The following RIMS1 variants were observed in gnomAD, a reference collection of about 807,000 sequenced individuals.
RIMS1 encodes the protein regulating synaptic membrane exocytosis protein 1.
RIMS1 carries 83 observed loss-of-function variants against 214.1 expected under a neutral mutation model. The ratio of observed to expected loss-of-function variants is 0.39; its 90% CI spans 0.32 to 0.47. The LOEUF is 0.47. Among genes scored for constraint, RIMS1 ranks in the 20% least tolerant of loss-of-function variants. The probability of loss-of-function intolerance (pLI) is 0.99; values close to 1 mark genes in which losing one functional copy is unlikely to be tolerated. For missense variants in RIMS1, 2,050 were observed against 2,161.8 expected (o/e 0.95, Z 1.03); for synonymous variants, 793 against 786.8 (o/e 1.01, Z -0.13).
At chr6:72,105,938 A>T (rs2034650654) in intron 4 of RIMS1, among the ~76,000 whole-genome samples, 2 of 152,142 alleles carry the variant, frequency 1.3e-5, no homozygotes, top group African/African-American at 4.8e-5. Flanking sequence ...GATATTTTTT[A>T]AATTTTGGAA....
At chr6:72,020,122 A>G (rs1814151406) in intron 2 of RIMS1, among the ~76,000 whole-genome samples, 1 of 152,202 alleles carries the variant, frequency 6.6e-6, no homozygotes, top group Non-Finnish European at 1.5e-5. Context: ...CTTATTTGGA[A>G]TAACATATCA....
At chr6:72,145,134 A>C (rs1588010070) in intron 4 of RIMS1, among the ~76,000 whole-genome samples, 1 of 152,180 alleles carries the variant, frequency 6.6e-6, no homozygotes, top group East Asian at 1.9e-4. Context: ...TGCAGCAAAA[A>C]TAATTATGTT....
At chr6:72,290,607 G>C in intron 24 of RIMS1, 72 bp from the exon 25 acceptor site, 1 of 1,362,238 alleles carries the variant, frequency 7.3e-7, no homozygotes. Context: ...GGTTTTCCTT[G>C]GACAAATGTG....
chr6:72,298,134 G>A (rs953814928), intron 26 of RIMS1, among the ~76,000 whole-genome samples: 6 of 151,940 alleles, frequency 3.9e-5, no homozygotes, highest in African/African-American at 9.7e-5. Flanking sequence ...CTAAGCAAAC[G>A]AGGATGGTTG....
chr6:72,335,919 G>T (rs1594110385), intron 29 of RIMS1, among the ~76,000 whole-genome samples: 1 of 151,784 alleles, frequency 6.6e-6, no homozygotes, highest in Non-Finnish European at 1.5e-5. Context: ...TTATGATGGG[G>T]TTGTTCTTCT....
chr6:72,352,606 C>T (rs891967383), intron 29 of RIMS1, among the ~76,000 whole-genome samples: 1 of 152,190 alleles, frequency 6.6e-6, no homozygotes, highest in African/African-American at 2.4e-5. Flanking sequence ...GGCAGATGCT[C>T]ATGGCAGGCA....
chr6:72,265,077 AC>A, intron 20 of RIMS1, 25 bp downstream of exon 20: 2 of 1,369,334 alleles, frequency 1.5e-6, no homozygotes, highest in Non-Finnish European at 2.0e-6. Context: ...AGTGAGTCCC[AC>A]CCAGTTATAA....
intron 1 of RIMS1, among the ~76,000 whole-genome samples, chr6:71,896,258 G>A (rs1771736654): frequency 6.6e-6 from 1 of 152,122 alleles, no homozygotes; most frequent in Non-Finnish European, 1.5e-5. Flanking sequence ...CTTATATTGA[G>A]AATGGATATT....
chr6:72,006,342 T>C (rs1807618032), intron 2 of RIMS1, among the ~76,000 whole-genome samples: 1 of 152,188 alleles, frequency 6.6e-6, no homozygotes, highest in African/African-American at 2.4e-5. Context: ...AGTTGAGACT[T>C]GGAGGGCGGT....
At chr6:71,960,989 A>G (rs561278499) in intron 1 of RIMS1, among the ~76,000 whole-genome samples, 2 of 152,274 alleles carry the variant, frequency 1.3e-5, no homozygotes, top group Non-Finnish European at 2.9e-5. Context: ...TAGTGAAAAC[A>G]TAACTATTAG....
intron 4 of RIMS1, among the ~76,000 whole-genome samples, chr6:72,166,826 A>G (rs1394524504): frequency 6.6e-6 from 1 of 152,082 alleles, no homozygotes; most frequent in African/African-American, 2.4e-5. Flanking sequence ...ATTAGTCTCA[A>G]TAGTGTTTTG....
At chr6:71,917,789 G>T (rs1582579656) in intron 1 of RIMS1, among the ~76,000 whole-genome samples, 2 of 152,274 alleles carry the variant, frequency 1.3e-5, no homozygotes, top group East Asian at 3.9e-4. Flanking sequence ...ATGGGCTGGT[G>T]TTTGAGCGAT....
At chr6:71,961,131 G>A (rs941313630) in intron 1 of RIMS1, among the ~76,000 whole-genome samples, 3 of 152,122 alleles carry the variant, frequency 2.0e-5, no homozygotes, top group African/African-American at 7.2e-5. Context: ...AATACGTGAA[G>A]AGGTAGAGAA....
intron 4 of RIMS1, among the ~76,000 whole-genome samples, chr6:72,123,525 C>T (rs958163427): frequency 6.6e-6 from 1 of 151,730 alleles, no homozygotes; most frequent in African/African-American, 2.4e-5. Context: ...CCTGGATATC[C>T]TTGTTAACTT....
chr6:72,279,152 C>A (rs897885572), intron 23 of RIMS1, among the ~76,000 whole-genome samples: 3 of 151,768 alleles, frequency 2.0e-5, no homozygotes, highest in African/African-American at 7.2e-5. Context: ...TATTTACCAA[C>A]GTCTTTAGAG....
intron 2 of RIMS1, among the ~76,000 whole-genome samples, chr6:72,066,510 T>C (rs1829331257): frequency 6.6e-6 from 1 of 152,210 alleles, no homozygotes; most frequent in Non-Finnish European, 1.5e-5. Context: ...AGTCCACCTA[T>C]TTATAAAGAA....
At chr6:72,009,005 A>C (rs1412946951) in intron 2 of RIMS1, among the ~76,000 whole-genome samples, 1 of 152,198 alleles carries the variant, frequency 6.6e-6, no homozygotes, top group Non-Finnish European at 1.5e-5. Context: ...CTCCACCCCA[A>C]ATCAACAGAA....
intron 4 of RIMS1, among the ~76,000 whole-genome samples, chr6:72,112,627 A>G (rs2036326561): frequency 6.6e-6 from 1 of 152,060 alleles, no homozygotes; most frequent in African/African-American, 2.4e-5. Flanking sequence ...TTCCTGGAAC[A>G]TTATTTCCAC....
rs146718724 is a variant in RIMS1 at position 72,072,687 on chromosome 6, A to G, written c.246-24262A>G. ...AGGGGGTTACAAAGATGAGCAAAAA[A>G]AGATTCCTGCCCTCAAGCAGCTCCC... On this transcript the variant is annotated intron_variant, in intron 2 of 33. Coordinates refer to ENST00000521978, the MANE Select transcript of RIMS1 (RefSeq NM_014989.7). Among the ~76,000 whole-genome samples, 24 of 152,294 alleles carry G rather than the reference A, an allele frequency of 1.6e-4. No individual in the cohort carries two copies. The East Asian group carries it at 4.1e-3, about 26-fold the overall frequency.
Sources: gnomAD v4.1 joint callset for allele counts (sites outside exome capture counted in the v4.1 genomes callset) on GRCh38, gnomAD v4.1.1 for gene constraint, MANE v1.5 for transcripts, NCBI Gene and HGNC (gene_info 2026-07-23, HGNC 2026-07-21) for gene names.